CABLES1: variants seen among roughly 807,000 people sequenced by gnomAD.
CABLES1 encodes the protein Cdk5 and Abl enzyme substrate 1, also known as CDK5 and ABL1 enzyme substrate 1.
Under a neutral mutation model 57.8 loss-of-function variants are expected in CABLES1, and 36 were observed. The observed-to-expected ratio is 0.62, with a 90% CI of 0.48 to 0.82. The LOEUF (loss-of-function observed/expected upper bound fraction) is 0.82. Ranked by LOEUF, CABLES1 falls within the 40% of genes least tolerant of loss-of-function variation. The probability of loss-of-function intolerance (pLI) is 0.00; values close to 1 mark genes in which losing one functional copy is unlikely to be tolerated. For synonymous variants in CABLES1, 374 were observed against 363.0 expected (o/e 1.03, Z -0.35); for missense variants, 767 against 836.6 (o/e 0.92, Z 1.03).
chr18:23,189,611 G>A (rs2047226734), intron 2 of CABLES1, among the ~76,000 whole-genome samples: 2 of 152,222 alleles, frequency 1.3e-5, no homozygotes, highest in Non-Finnish European at 2.9e-5. Context: ...TGGGGCACAG[G>A]GGCTTCCCGG....
chr18:23,213,962 C>T lies in CABLES1; in HGVS notation c.1011-15C>T, dbSNP rs749889228. On this transcript the variant is annotated splice_polypyrimidine_tract_variant and intron_variant, in intron 3 of 9. Transcript: ENST00000256925. The stretch of plus-strand genomic sequence containing the variant: ...TTTAGTGTGTTTGTTGTTTGTTCTT[C>T]TTTTTATTTTTTAGAATAGTCCTTA... 1.9e-6 allele frequency: 3 copies of T among 1,545,594 alleles called. No individual in the cohort carries two copies. In the African/African-American group the frequency reaches 4.1e-5, roughly 21 times the overall value.
intron 1 of CABLES1, among the ~76,000 whole-genome samples, chr18:23,177,889 G>C (rs1429329825): frequency 6.6e-6 from 1 of 152,180 alleles, no homozygotes; most frequent in Non-Finnish European, 1.5e-5. Context: ...TGCATTCCCA[G>C]CCACCCTCCT....
At chr18:23,215,317 G>A (rs1264621577) in intron 4 of CABLES1, among the ~76,000 whole-genome samples, 1 of 152,170 alleles carries the variant, frequency 6.6e-6, no homozygotes, top group Non-Finnish European at 1.5e-5. Context: ...CATTGGAAGA[G>A]CAGGCTCATT....
chr18:23,154,387 C>T (rs774903548), intron 1 of CABLES1, among the ~76,000 whole-genome samples: 1 of 152,118 alleles, frequency 6.6e-6, no homozygotes. Flanking sequence ...TTCATAATAG[C>T]GTGCCTGTTT....
chr18:23,205,028 T>G (rs1245359899), intron 3 of CABLES1, among the ~76,000 whole-genome samples: 1 of 152,168 alleles, frequency 6.6e-6, no homozygotes, highest in African/African-American at 2.4e-5. Context: ...CATCAGTCCT[T>G]GGTCTGCACC....
At position 23,222,038 on chromosome 18, in the gene CABLES1, G is replaced by A. The variant is rs567712913; in HGVS notation, c.1088+7984G>A. ...AGTGAGACTGCATAGATGTCCAAAC[G>A]GATTTCCAAAGCCCAGGAGCTCTGG... On this transcript the variant is annotated intron_variant, in intron 4 of 9. Transcript: ENST00000256925. Among the ~76,000 whole-genome samples the A allele has an allele frequency of 8.5e-5, 13 of 152,284 alleles. 1 individual carries two copies. In the South Asian group the frequency reaches 1.5e-3, roughly 17 times the overall value.
chr18:23,221,819 TG>T (rs1471513562), intron 4 of CABLES1, among the ~76,000 whole-genome samples: 1 of 152,170 alleles, frequency 6.6e-6, no homozygotes, highest in Non-Finnish European at 1.5e-5. Context: ...TCTGCCACAG[TG>T]GTTCACCAAA....
chr18:23,222,546 A>C (rs1456855304), intron 4 of CABLES1, among the ~76,000 whole-genome samples: 6 of 148,288 alleles, frequency 4.0e-5, no homozygotes, highest in Admixed American at 6.8e-5. Context: ...CTCTCTCTAT[A>C]TATATCTATA....
chr18:23,155,648 C>T (rs376484444), intron 1 of CABLES1, among the ~76,000 whole-genome samples: 1 of 152,228 alleles, frequency 6.6e-6, no homozygotes, highest in East Asian at 1.9e-4. Context: ...TTTCCTTCAA[C>T]CTCAGGGAGA....
intron 7 of CABLES1, among the ~76,000 whole-genome samples, chr18:23,244,562 T>C (rs545351489): frequency 6.6e-6 from 1 of 152,328 alleles, no homozygotes; most frequent in African/African-American, 2.4e-5. Context: ...ATAGATTTAG[T>C]CGAGGGCCAC....
intron 1 of CABLES1, among the ~76,000 whole-genome samples, chr18:23,159,852 G>A (rs1034915443): frequency 1.3e-5 from 2 of 151,536 alleles, no homozygotes. Context: ...AAAAATTTAG[G>A]TAGAGAAAAT....
At chr18:23,167,052 G>A (rs1446563927) in intron 1 of CABLES1, among the ~76,000 whole-genome samples, 4 of 152,164 alleles carry the variant, frequency 2.6e-5, no homozygotes, top group Admixed American at 6.5e-5. Flanking sequence ...GCTGGAAATA[G>A]CAACCGGATC....
chr18:23,188,735 C>T lies in CABLES1; in HGVS notation c.846-103C>T, dbSNP rs1017947403. On this transcript the variant is annotated intron_variant, in intron 1 of 9. Transcript: ENST00000256925. Reference sequence around the variant, plus strand: ...CAGCTTTTGTCTGATCTTTTCTTAACGGACTTCATGTTTTTGTTTTAGGGT... The same window carrying T: ...CAGCTTTTGTCTGATCTTTTCTTAATGGACTTCATGTTTTTGTTTTAGGGT... 1.2e-4 allele frequency: 97 copies of T among 824,300 alleles called. 2 individuals carry two copies. The Admixed American group carries it at 1.6e-3, about 14-fold the overall frequency. 51.1% of individuals were successfully genotyped at this position (824,300 alleles called of 1,614,324 possible). A position where few individuals can be genotyped will look rare whatever the true frequency, so the allele number is the denominator to read the frequency against.
Position 23,135,676 on chromosome 18 carries a change from G to C in CABLES1, c.-87G>C. ...CGATCCCCGCGCCCTACCCAGCCCGGGTCGCCGCCGCTCGCGCCCGCCGCT... is the reference window on the plus strand; with the variant it reads ...CGATCCCCGCGCCCTACCCAGCCCGCGTCGCCGCCGCTCGCGCCCGCCGCT... On this transcript the variant is annotated 5_prime_UTR_variant, in exon 1 of 10. Transcript: ENST00000256925. 1.0e-6 allele frequency: 1 copy of C among 979,868 alleles called. No homozygotes were observed. The highest frequency in any genetic ancestry group is 1.8e-5 in the African/African-American group (1 of 56,844). 60.7% of individuals were successfully genotyped at this position (979,868 alleles called of 1,614,324 possible). A position where few individuals can be genotyped will look rare whatever the true frequency, so the allele number is the denominator to read the frequency against.
Position 23,135,985 on chromosome 18 carries a change from G to T in CABLES1, c.223G>T (p.Asp75Tyr). Residue 75 changes from aspartate (D) to tyrosine (Y), a missense_variant, in exon 1 of 10, where the codon GAC becomes TAC. Asp to Tyr is a radical substitution (Grantham distance 160, BLOSUM62 -3). Transcript: ENST00000256925. Reference sequence around the variant, plus strand: ...CTCCTTCCTCACCAACATCTCGCTGGACGGCCGGCTGCCGCCGCAGGACGC... The same window carrying T: ...CTCCTTCCTCACCAACATCTCGCTGTACGGCCGGCTGCCGCCGCAGGACGC... ...ALSFLTNISL[D>Y]GRLPPQDAEW... 1 of 1,139,664 alleles carries T rather than the reference G, an allele frequency of 8.8e-7. No individual in the cohort carries two copies. 70.6% of individuals were successfully genotyped at this position (1,139,664 alleles called of 1,614,324 possible).
At chr18:23,168,212 A>C (rs1252289189) in intron 1 of CABLES1, among the ~76,000 whole-genome samples, 1 of 152,220 alleles carries the variant, frequency 6.6e-6, no homozygotes. Context: ...GAGCAGTCTA[A>C]AGTATTCACT....
chr18:23,215,468 G>A (rs1340512236), intron 4 of CABLES1, among the ~76,000 whole-genome samples: 2 of 152,326 alleles, frequency 1.3e-5, no homozygotes, highest in South Asian at 2.1e-4. Flanking sequence ...CAGGGTGTCT[G>A]TATTATCAGT....
chr18:23,245,081 C>T (rs769740922), intron 7 of CABLES1, among the ~76,000 whole-genome samples: 6 of 152,210 alleles, frequency 3.9e-5, no homozygotes, highest in South Asian at 4.1e-4. Flanking sequence ...CATCCCCTCC[C>T]GTTATACCCC....
Position 23,257,535 on chromosome 18 carries a change from T to C in CABLES1, c.*168T>C. The C allele has an allele frequency of 1.4e-6, 1 of 708,520 alleles. No individual in the cohort carries two copies. The highest frequency in any genetic ancestry group is 2.2e-6 in the Non-Finnish European group (1 of 459,674). 43.9% of individuals were successfully genotyped at this position (708,520 alleles called of 1,614,324 possible). ...GAAACTTTCCAAGGAGTCTTGGGTG[T>C]GTAGCCAAGAGGAGCCATGAGCTAT... On this transcript the variant is annotated 3_prime_UTR_variant, in exon 10 of 10. Transcript: ENST00000256925.
Sources: gnomAD v4.1 joint callset for allele counts (sites outside exome capture counted in the v4.1 genomes callset) on GRCh38, gnomAD v4.1.1 for gene constraint, MANE v1.5 for transcripts, NCBI Gene and HGNC (gene_info 2026-07-23, HGNC 2026-07-21) for gene names.